ZNF804A: variants seen among roughly 807,000 people sequenced by gnomAD.
ZNF804A encodes the protein zinc finger protein 804A.
ZNF804A carries 2 observed loss-of-function variants against 16.5 expected under a neutral mutation model. The observed-to-expected ratio is 0.12, with a 90% CI of 0.05 to 0.38. The LOEUF (loss-of-function observed/expected upper bound fraction) is 0.38, where lower values mean the gene tolerates loss of function less well. ZNF804A is among the 10% of genes least tolerant of loss of function. The pLI, the probability that ZNF804A is intolerant of heterozygous loss-of-function variation, is 0.99. For missense variants in ZNF804A, 1,473 were observed against 1,390.7 expected (o/e 1.06, Z -0.94); for synonymous variants, 534 against 489.6 (o/e 1.09, Z -1.20).
chr2:184,641,656 G>A (rs1390387854), intron 1 of ZNF804A, among the ~76,000 whole-genome samples: 1 of 152,130 alleles, frequency 6.6e-6, no homozygotes, highest in Non-Finnish European at 1.5e-5. Context: ...AGCAAATTAT[G>A]TATAAAAGAG....
At chr2:184,932,501 A>C (rs6755404) in intron 2 of ZNF804A, among the ~76,000 whole-genome samples, 125,129 of 151,994 alleles carry the variant, frequency 0.82, 51,791 homozygotes, top group African/African-American at 0.89. Flanking sequence ...ATCACAATAA[A>C]AGTATGGGAA....
Position 184,938,802 on chromosome 2 carries a change from C to T in ZNF804A, c.3406C>T (p.Pro1136Ser), listed in dbSNP as rs758575049. 4 of 1,613,672 alleles carry T rather than the reference C, an allele frequency of 2.5e-6. No homozygotes were observed. Among genetic ancestry groups the T allele is most frequent in the Non-Finnish European group, 2.5e-6 (3 of 1,179,886 alleles). ...QPHQQFLSQIPALTRTSLPQL... is the reference protein window; with the variant it reads ...QPHQQFLSQISALTRTSLPQL... ...ACACCAACAGTTTCTTTCCCAAATC[C>T]CAGCTCTCACCAGAACCTCATTACC... is the stretch of plus-strand genomic sequence containing the variant. The change falls in exon 4 of 4, where the codon CCA becomes TCA. Residue 1136 changes from proline (P) to serine (S), a missense_variant. Physicochemically the swap from Pro to Ser is moderately conservative, Grantham distance 74. Transcript: ENST00000302277.
In ZNF804A at chr2:184,614,054, C is replaced by A. The variant is rs576919482; in HGVS notation, c.111+14984C>A. On this transcript the variant is annotated intron_variant, in intron 1 of 3. Coordinates refer to ENST00000302277, the MANE Select transcript of ZNF804A (RefSeq NM_194250.2). The stretch of plus-strand genomic sequence containing the variant: ...AAACTATACTACAAGACTACAGTAA[C>A]CAAAACAGCATGGTACTGGTACCAA... 2.0e-4 allele frequency among the ~76,000 whole-genome samples: 30 copies of A among 152,210 alleles called. 1 individual carries two copies. The highest frequency in any genetic ancestry group is 4.0e-4 in the Non-Finnish European group (27 of 68,008).
chr2:184,928,091 A>C (rs1583049), intron 2 of ZNF804A, among the ~76,000 whole-genome samples: 1 of 151,698 alleles, frequency 6.6e-6, no homozygotes, highest in Non-Finnish European at 1.5e-5. Context: ...GCTGAGTTTC[A>C]CTGGGAGCCA....
At chr2:184,719,873 C>T (rs938781303) in intron 1 of ZNF804A, among the ~76,000 whole-genome samples, 26 of 152,256 alleles carry the variant, frequency 1.7e-4, no homozygotes, top group African/African-American at 6.3e-4. Flanking sequence ...TGCCTCTTAC[C>T]CAGTTGCAAA....
intron 1 of ZNF804A, among the ~76,000 whole-genome samples, chr2:184,696,871 T>C (rs1275466032): frequency 6.6e-6 from 1 of 151,986 alleles, no homozygotes; most frequent in Non-Finnish European, 1.5e-5. Flanking sequence ...TGATTATAGG[T>C]AAATATTTGC....
At chr2:184,934,757 C>T (rs1685758015) in intron 3 of ZNF804A, among the ~76,000 whole-genome samples, 1 of 152,042 alleles carries the variant, frequency 6.6e-6, no homozygotes, top group Non-Finnish European at 1.5e-5. Flanking sequence ...AAAAGCAATA[C>T]TGTTTATTTA....
At chr2:184,712,043 G>A (rs1693137144) in intron 1 of ZNF804A, among the ~76,000 whole-genome samples, 1 of 151,634 alleles carries the variant, frequency 6.6e-6, no homozygotes, top group African/African-American at 2.4e-5. Context: ...GAATCTGTAA[G>A]TCTTCTTGAG....
chr2:184,819,585 G>T (rs1287818907), intron 1 of ZNF804A, among the ~76,000 whole-genome samples: 1 of 151,848 alleles, frequency 6.6e-6, no homozygotes, highest in Non-Finnish European at 1.5e-5. Flanking sequence ...GAAGCTGGAG[G>T]AGATGGAGAC....
intron 1 of ZNF804A, among the ~76,000 whole-genome samples, chr2:184,791,169 T>C (rs1012677156): frequency 6.6e-6 from 1 of 152,186 alleles, no homozygotes; most frequent in Non-Finnish European, 1.5e-5. Context: ...TTAGGCTATG[T>C]GCATCAAGGT....
chr2:184,679,661 C>T (rs2105718101), intron 1 of ZNF804A, among the ~76,000 whole-genome samples: 1 of 152,312 alleles, frequency 6.6e-6, no homozygotes, highest in Middle Eastern at 3.4e-3. Context: ...TGCAGCCTGG[C>T]TCAGTGTGCA....
chr2:184,800,774 T>G (rs1694712467), intron 1 of ZNF804A, among the ~76,000 whole-genome samples: 1 of 152,080 alleles, frequency 6.6e-6, no homozygotes, highest in Admixed American at 6.5e-5. Context: ...TCCCATCACT[T>G]ATGATATTTC....
intron 2 of ZNF804A, among the ~76,000 whole-genome samples, chr2:184,873,546 A>G (rs568313729): frequency 6.6e-6 from 1 of 152,340 alleles, no homozygotes; most frequent in East Asian, 1.9e-4. Context: ...AACTGCATGT[A>G]ATATGATATT....
chr2:184,757,180 T>G (rs1378870362), intron 1 of ZNF804A, among the ~76,000 whole-genome samples: 1 of 152,024 alleles, frequency 6.6e-6, no homozygotes, highest in Non-Finnish European at 1.5e-5. Flanking sequence ...AAAAACAGCT[T>G]CCTACTCTCA....
intron 1 of ZNF804A, among the ~76,000 whole-genome samples, chr2:184,724,946 G>A (rs1276427999): frequency 6.6e-6 from 1 of 151,738 alleles, no homozygotes; most frequent in South Asian, 2.1e-4. Context: ...TAAGATAAGA[G>A]TAATGTGAAA....
intron 1 of ZNF804A, among the ~76,000 whole-genome samples, chr2:184,774,832 T>A (rs78271141): frequency 6.6e-6 from 1 of 151,738 alleles, no homozygotes; most frequent in East Asian, 1.9e-4. Context: ...AGCTAACACA[T>A]GTGACATGTG....
intron 1 of ZNF804A, among the ~76,000 whole-genome samples, chr2:184,861,822 C>A (rs531188712): frequency 2.0e-5 from 3 of 152,248 alleles, no homozygotes; most frequent in Middle Eastern, 3.4e-3. Context: ...AAACCATTAT[C>A]TTCTCTATTT....
chr2:184,733,430 T>C lies in ZNF804A; in HGVS notation c.112-132939T>C, dbSNP rs1419226428. On this transcript the variant is annotated intron_variant, in intron 1 of 3. Transcript: ENST00000302277. Reference sequence around the variant, plus strand: ...TTATGAATTGTTGGATTTGATTTGATATAATTTGGAGGGGAGTTTTTTACA... The same window carrying C: ...TTATGAATTGTTGGATTTGATTTGACATAATTTGGAGGGGAGTTTTTTACA... 2.6e-5 allele frequency among the ~76,000 whole-genome samples: 4 copies of C among 152,150 alleles called. No homozygotes were observed. In the East Asian group the frequency reaches 7.7e-4, roughly 29 times the overall value.
At chr2:184,737,803 T>C (rs1693651632) in intron 1 of ZNF804A, among the ~76,000 whole-genome samples, 1 of 152,098 alleles carries the variant, frequency 6.6e-6, no homozygotes, top group Non-Finnish European at 1.5e-5. Context: ...AAAGATAACC[T>C]ATATTTCTCA....
Sources: gnomAD v4.1 joint callset for allele counts (sites outside exome capture counted in the v4.1 genomes callset) on GRCh38, gnomAD v4.1.1 for gene constraint, MANE v1.5 for transcripts, NCBI Gene and HGNC (gene_info 2026-07-23, HGNC 2026-07-21) for gene names.